Variants in BCAR1 observed in about 807,000 individuals in gnomAD.
The protein encoded by BCAR1 is BCAR1 scaffold protein, Cas family member.
Under a neutral mutation model 67.6 loss-of-function variants are expected in BCAR1, and 30 were observed. The ratio of observed to expected loss-of-function variants is 0.44; its 90% CI spans 0.33 to 0.60. BCAR1 has a LOEUF of 0.60. BCAR1 is among the 20% of genes least tolerant of loss of function. BCAR1 has a pLI of 0.02. For missense variants in BCAR1, 1,313 were observed against 1,222.3 expected, an observed-to-expected ratio of 1.07 and a Z score of -1.11; for synonymous variants, 626 against 556.7, an observed-to-expected ratio of 1.12 and a Z score of -1.75.
intron 1 of BCAR1, chr16:75,263,207 CA>C (rs2077942621): frequency 1.0e-6 from 1 of 985,124 alleles, no homozygotes; most frequent in African/African-American, 1.7e-5. Context: ...GCAGAACAGA[CA>C]GCAGGGAGGC....
Position 75,234,922 on chromosome 16 carries a change from GC to G in BCAR1, c.1976del (p.Gly659AlafsTer43). On this transcript the variant is annotated frameshift_variant, in exon 5 of 7. Transcript: ENST00000162330. LOFTEE classifies it high-confidence loss of function. ...GGACGTAGTCATAGTCCTCCATCCA[GC>G]CCCCCTCGCTGTTCTCGTACTGCCC... ...PDGQYENSEG[G>X]WMEDYDYVHL... The G allele has an allele frequency of 6.4e-7, 1 of 1,553,270 alleles. No homozygotes were observed.
chr16:75,230,158 G>T, intron 6 of BCAR1, 135 bp from the exon 7 acceptor site: 1 of 1,112,434 alleles, frequency 9.0e-7, no homozygotes, highest in Non-Finnish European at 1.2e-6. Flanking sequence ...AGGGAAACGG[G>T]CAGTCTCCTC....
intron 5 of BCAR1, among the ~76,000 whole-genome samples, chr16:75,234,160 GACAGACAC>G (rs772329816): frequency 0.082 from 7,221 of 87,778 alleles, 253 homozygotes; most frequent in Non-Finnish European, 0.12. Context: ...GGGGCAGGCA[GACAGACAC>G]ACACACACAC....
intron 1 of BCAR1, among the ~76,000 whole-genome samples, chr16:75,267,355 A>G (rs1194653327): frequency 1.4e-5 from 2 of 138,546 alleles, no homozygotes; most frequent in Non-Finnish European, 3.0e-5. Flanking sequence ...AGTGCTCAGC[A>G]AGGCATTGTT....
Position 75,229,352 on chromosome 16 carries a change from G to A in BCAR1, c.*159C>T. 2 of 1,200,462 alleles carry A rather than the reference G, an allele frequency of 1.7e-6. No individual in the cohort carries two copies. Among genetic ancestry groups the A allele is most frequent in the Non-Finnish European group, 2.2e-6 (2 of 894,008 alleles). The allele number at this position is 1,200,462 out of a possible 1,614,324, so 74.4% of individuals were successfully genotyped here. A position where few individuals can be genotyped will look rare whatever the true frequency, so the allele number is the denominator to read the frequency against. On this transcript the variant is annotated 3_prime_UTR_variant, in exon 7 of 7. Transcript: ENST00000162330. ...GAGGCATGGCCCCACACCCTGCCCG[G>A]CCATAAATATATACAGATTCCTGGG... is the stretch of plus-strand genomic sequence containing the variant.
At chr16:75,234,299 C>T (rs2077019570) in intron 5 of BCAR1, among the ~76,000 whole-genome samples, 1 of 152,120 alleles carries the variant, frequency 6.6e-6, no homozygotes, top group African/African-American at 2.4e-5. Context: ...CCCTGGCAGC[C>T]CCTTTCACCG....
At chr16:75,251,829 G>T, upstream of BCAR1, 1 of 218,532 alleles carries the variant, frequency 4.6e-6, no homozygotes, top group Non-Finnish European at 5.8e-6. Context: ...GCCCCTGCCC[G>T]AGGCCAGGCT....
At chr16:75,259,229 G>A (rs981954471) in intron 1 of BCAR1, among the ~76,000 whole-genome samples, 6 of 152,240 alleles carry the variant, frequency 3.9e-5, no homozygotes, top group Admixed American at 6.5e-5. Context: ...CAGGATTTGG[G>A]AGCACAGATC....
rs2076782823 is a variant in BCAR1, at chr16:75,228,549, A to C, written c.*962T>G. ...AGATGCCAGGTCCAGGTATAATTCC[A>C]TGTGCACTTCGGGAGTTCCGCAGGC... is the stretch of plus-strand genomic sequence containing the variant. On this transcript the variant is annotated 3_prime_UTR_variant, in exon 7 of 7. Coordinates refer to ENST00000162330, the MANE Select transcript of BCAR1 (RefSeq NM_014567.5). The C allele has an allele frequency of 1.3e-5, 2 of 152,454 alleles. No individual in the cohort carries two copies. Among genetic ancestry groups the C allele is most frequent in the South Asian group, 4.1e-4 (2 of 4,824 alleles). 9.4% of individuals were successfully genotyped at this position (152,454 alleles called of 1,614,324 possible).
intron 1 of BCAR1, chr16:75,265,210 G>GA (rs1359399272): frequency 6.6e-6 from 1 of 152,458 alleles, no homozygotes; most frequent in Non-Finnish European, 1.5e-5. Flanking sequence ...AACTTCCCAG[G>GA]AAAGTGAGCC....
chr16:75,234,160 G>GACTC (rs2077009656), intron 5 of BCAR1, among the ~76,000 whole-genome samples: 1 of 87,804 alleles, frequency 1.1e-5, no homozygotes, highest in African/African-American at 4.0e-5. Context: ...GGGGCAGGCA[G>GACTC]ACAGACACAC....
chr16:75,241,621 GT>G (rs2034564974), intron 2 of BCAR1, among the ~76,000 whole-genome samples: 1 of 152,230 alleles, frequency 6.6e-6, no homozygotes, highest in Admixed American at 6.5e-5. Context: ...GCCAGGCTTG[GT>G]GGCCCATGTC....
Position 75,242,640 on chromosome 16 carries a change from G to C in BCAR1, c.463C>G (p.His155Asp). 1 of 1,521,534 alleles carries C rather than the reference G, an allele frequency of 6.6e-7. No individual in the cohort carries two copies. The highest frequency in any genetic ancestry group is 8.8e-7 in the Non-Finnish European group (1 of 1,135,234). 94.3% of individuals were successfully genotyped at this position (1,521,534 alleles called of 1,614,324 possible). The change falls in exon 2 of 7, where the codon CAC becomes GAC. Residue 155 changes from histidine (H) to aspartate (D), a missense_variant. Coordinates refer to ENST00000162330, the MANE Select transcript of BCAR1 (RefSeq NM_014567.5). ...TCTGTGGCCGGGCTGGGAAACGGGT[G>C]ATGGGGTGTCTGCTTCGAGAAGGTG... is the stretch of plus-strand genomic sequence containing the variant. The part of the protein sequence containing the change: ...TSTFSKQTPH[H>D]PFPSPATDLY...
At position 75,235,831 on chromosome 16, in the gene BCAR1, C is replaced by G; in HGVS notation, c.1068G>C (p.Pro356=). ...LVLAAPPPDS[P]PAEDVYDVPP... ...GCACGTCATACACGTCCTCGGCCGG[C>G]GGGGAGTCTGGAGGGGGCGCAGCCA... Residue 356 remains proline, a synonymous_variant, in exon 5 of 7, where the codon CCG becomes CCC. Transcript: ENST00000162330. 1 of 1,575,392 alleles carries G rather than the reference C, an allele frequency of 6.3e-7. No homozygotes were observed. Among genetic ancestry groups the G allele is most frequent in the Non-Finnish European group, 8.6e-7 (1 of 1,162,086 alleles).
At chr16:75,230,477 A>C (rs2076865771) in intron 6 of BCAR1, among the ~76,000 whole-genome samples, 1 of 152,232 alleles carries the variant, frequency 6.6e-6, no homozygotes, top group South Asian at 2.1e-4. Context: ...CCCTTAGTTC[A>C]AAAGTAACAT....
At chr16:75,233,801 G>T (rs1179590317) in intron 6 of BCAR1, 45 bp downstream of exon 6, 2 of 1,543,866 alleles carry the variant, frequency 1.3e-6, no homozygotes, top group East Asian at 4.8e-5. Flanking sequence ...GGGGCTCAGG[G>T]GGTCAGCGGG....
chr16:75,256,191 G>A (rs1174685093), upstream of BCAR1: 1 of 152,456 alleles, frequency 6.6e-6, no homozygotes, highest in Admixed American at 6.5e-5. Context: ...ATGGCCAGCA[G>A]AGCTCGCACC....
At chr16:75,244,488 G>A (rs140386492) in intron 1 of BCAR1, among the ~76,000 whole-genome samples, 242 of 152,334 alleles carry the variant, frequency 1.6e-3, no homozygotes, top group African/African-American at 5.3e-3. Context: ...CCCTCTGAGC[G>A]CCATCTCCCT....
chr16:75,240,889 G>A (rs1214677559), intron 2 of BCAR1, among the ~76,000 whole-genome samples: 1 of 152,250 alleles, frequency 6.6e-6, no homozygotes, highest in Non-Finnish European at 1.5e-5. Flanking sequence ...TGCCGGAGAC[G>A]GAGACAGAAC....
Sources: gnomAD v4.1 joint callset for allele counts (sites outside exome capture counted in the v4.1 genomes callset) on GRCh38, gnomAD v4.1.1 for gene constraint, MANE v1.5 for transcripts, NCBI Gene and HGNC (gene_info 2026-07-23, HGNC 2026-07-21) for gene names.